Variants in WWOX observed in about 807,000 individuals in gnomAD.
The protein encoded by WWOX is WW domain-containing oxidoreductase.
WWOX carries 69 observed loss-of-function variants against 46.2 expected under a neutral mutation model. The ratio of observed to expected loss-of-function variants is 1.49; its 90% CI spans 1.23 to 1.82. The LOEUF is 1.82. Ranked by LOEUF, WWOX falls within the 40% of genes most tolerant of loss-of-function variation. The pLI is 0.00. For missense variants in WWOX, 919 were observed against 542.6 expected (o/e 1.69, Z -6.89); for synonymous variants, 359 against 202.6 (o/e 1.77, Z -6.56).
At chr16:79,084,790 G>A (rs1350579645) in intron 8 of WWOX, among the ~76,000 whole-genome samples, 2 of 152,138 alleles carry the variant, frequency 1.3e-5, no homozygotes, top group East Asian at 3.9e-4. Flanking sequence ...TTTATACAAA[G>A]AAGAAAGGAG....
intron 8 of WWOX, among the ~76,000 whole-genome samples, chr16:78,677,609 C>T (rs980292129): frequency 1.3e-5 from 2 of 152,198 alleles, no homozygotes; most frequent in Admixed American, 6.5e-5. Flanking sequence ...CAGTGTGGGA[C>T]ACCTGACTTT....
chr16:78,316,848 A>G (rs941409723), intron 5 of WWOX, among the ~76,000 whole-genome samples: 2 of 152,218 alleles, frequency 1.3e-5, no homozygotes, highest in Admixed American at 6.5e-5. Context: ...GATGTATACC[A>G]TTCAGTACCA....
At chr16:78,343,588 C>T (rs1274249299) in intron 5 of WWOX, among the ~76,000 whole-genome samples, 5 of 120,658 alleles carry the variant, frequency 4.1e-5, no homozygotes, top group African/African-American at 1.1e-4. Flanking sequence ...TGCTGAGAGG[C>T]GGTAACTCTT....
intron 8 of WWOX, among the ~76,000 whole-genome samples, chr16:78,577,481 CAGGA>C (rs1451034848): frequency 1.3e-5 from 2 of 152,124 alleles, no homozygotes; most frequent in Non-Finnish European, 2.9e-5. Flanking sequence ...TTGAATTCAC[CAGGA>C]AGGAAGTTCA....
At chr16:78,408,544 T>A (rs2082601655) in intron 6 of WWOX, among the ~76,000 whole-genome samples, 1 of 152,174 alleles carries the variant, frequency 6.6e-6, no homozygotes, top group African/African-American at 2.4e-5. Flanking sequence ...CTAGCTGAGC[T>A]AAGGAGCAGA....
chr16:79,197,191 G>A (rs527683330), intron 8 of WWOX, among the ~76,000 whole-genome samples: 6 of 152,210 alleles, frequency 3.9e-5, no homozygotes, highest in Middle Eastern at 6.8e-3. Context: ...GCTGGTTTGG[G>A]TTTATACATT....
chr16:78,897,823 A>T (rs1011324041), intron 8 of WWOX: 1 of 152,196 alleles, frequency 6.6e-6, no homozygotes, highest in South Asian at 2.1e-4. Context: ...TCACATCCTC[A>T]TCAGCACTTT....
chr16:78,486,329 T>C (rs1222556831), intron 8 of WWOX, among the ~76,000 whole-genome samples: 1 of 152,346 alleles, frequency 6.6e-6, no homozygotes, highest in South Asian at 2.1e-4. Flanking sequence ...AATAACCTCA[T>C]GAGCATAGAT....
chr16:79,108,327 T>C (rs900026947), intron 8 of WWOX, among the ~76,000 whole-genome samples: 3 of 152,216 alleles, frequency 2.0e-5, no homozygotes, highest in African/African-American at 7.2e-5. Context: ...CCAGAGCTCT[T>C]GTTTCTAAAT....
At chr16:78,330,193 T>C (rs2080722048) in intron 5 of WWOX, among the ~76,000 whole-genome samples, 2 of 152,230 alleles carry the variant, frequency 1.3e-5, no homozygotes, top group Admixed American at 1.3e-4. Context: ...TGTTCATTTT[T>C]ATAATTGCTG....
At chr16:78,261,833 G>T in intron 5 of WWOX, among the ~76,000 whole-genome samples, 2 of 140,362 alleles carry the variant, frequency 1.4e-5, no homozygotes, top group Non-Finnish European at 1.5e-5. Flanking sequence ...TAATGTGGTG[G>T]GTTCTCGAAT....
intron 8 of WWOX, among the ~76,000 whole-genome samples, chr16:78,894,943 T>G (rs1180574932): frequency 6.6e-6 from 1 of 152,088 alleles, no homozygotes; most frequent in African/African-American, 2.4e-5. Flanking sequence ...TTACGATAGT[T>G]CCAATGGATC....
chr16:78,240,242 G>C (rs537326526), intron 5 of WWOX, among the ~76,000 whole-genome samples: 1 of 152,080 alleles, frequency 6.6e-6, no homozygotes, highest in Non-Finnish European at 1.5e-5. Flanking sequence ...TACTCGGGAG[G>C]CTGCGGAGGG....
chr16:78,126,035 T>C (rs1357527931), intron 4 of WWOX, among the ~76,000 whole-genome samples: 2 of 152,330 alleles, frequency 1.3e-5, no homozygotes, highest in Admixed American at 1.3e-4. Flanking sequence ...GTAAGCATGT[T>C]TTCCCTTCTT....
intron 8 of WWOX, among the ~76,000 whole-genome samples, chr16:78,749,760 A>T (rs1026286049): frequency 6.6e-6 from 1 of 152,196 alleles, no homozygotes; most frequent in Non-Finnish European, 1.5e-5. Flanking sequence ...TGGATGTTCA[A>T]ATCTCGAGTT....
Position 78,737,305 on chromosome 16 carries a change from A to G in WWOX, c.1056+304553A>G, listed in dbSNP as rs190040367. Among the ~76,000 whole-genome samples the G allele has an allele frequency of 1.7e-3, 252 of 145,810 alleles. 1 individual carries two copies. The highest frequency in any genetic ancestry group is 6.4e-3 in the African/African-American group (244 of 37,956). ...ATGTGTATATATATGTATATAATATATATATTTTTTAGTACAGATGCGGTT... is the reference window on the plus strand; with the variant it reads ...ATGTGTATATATATGTATATAATATGTATATTTTTTAGTACAGATGCGGTT... On this transcript the variant is annotated intron_variant, in intron 8 of 8. Transcript: ENST00000566780.
chr16:79,143,245 G>T (rs1187594990), intron 8 of WWOX, among the ~76,000 whole-genome samples: 1 of 152,156 alleles, frequency 6.6e-6, no homozygotes, highest in African/African-American at 2.4e-5. Context: ...CCTGGATGAA[G>T]TCTTTCTCTA....
At chr16:78,634,516 G>A (rs2046517057) in intron 8 of WWOX, among the ~76,000 whole-genome samples, 2 of 151,880 alleles carry the variant, frequency 1.3e-5, no homozygotes, top group African/African-American at 2.4e-5. Context: ...GACCAGCCTG[G>A]CCAACATGGT....
chr16:78,900,398 C>T (rs572712456), intron 8 of WWOX, among the ~76,000 whole-genome samples: 10 of 152,104 alleles, frequency 6.6e-5, no homozygotes, highest in Admixed American at 1.3e-4. Flanking sequence ...ATTTGCTGGG[C>T]ACCCAAATAA....
Sources: allele counts gnomAD v4.1 joint callset (sites outside exome capture counted in the v4.1 genomes callset), GRCh38; gene constraint gnomAD v4.1.1; transcripts MANE v1.5; gene names NCBI Gene and HGNC (gene_info 2026-07-23, HGNC 2026-07-21).